Variants in ERI3 observed in about 807,000 individuals in gnomAD.
ERI3 encodes ERI1 exoribonuclease 3.
In ERI3, 18 loss-of-function variants were observed where a neutral mutation model predicts 44.4. The ratio of observed to expected loss-of-function variants is 0.41; its 90% CI spans 0.28 to 0.60. The LOEUF is 0.60. ERI3 is among the 20% of genes least tolerant of loss of function. The pLI is 0.36. For missense variants in ERI3, 294 were observed against 435.5 expected (o/e 0.68, Z 2.89); for synonymous variants, 183 against 164.8 (o/e 1.11, Z -0.84).
chr1:44,266,617 T>G (rs889597156), intron 7 of ERI3, among the ~76,000 whole-genome samples: 3 of 152,276 alleles, frequency 2.0e-5, no homozygotes, highest in African/African-American at 4.8e-5. Context: ...TTGTCTGTTT[T>G]GCTCACTATT....
intron 2 of ERI3, among the ~76,000 whole-genome samples, chr1:44,340,498 T>C (rs1193419674): frequency 6.6e-6 from 1 of 152,088 alleles, no homozygotes; most frequent in African/African-American, 2.4e-5. Flanking sequence ...TCACATAGGG[T>C]AGAGGGATAG....
chr1:44,344,386 A>T (rs1646744856), intron 2 of ERI3, among the ~76,000 whole-genome samples: 1 of 152,226 alleles, frequency 6.6e-6, no homozygotes, highest in Non-Finnish European at 1.5e-5. Flanking sequence ...CACAGAAGGT[A>T]GGCTGCATGT....
At chr1:44,227,256 C>A (rs952698806) in intron 8 of ERI3, among the ~76,000 whole-genome samples, 6 of 152,160 alleles carry the variant, frequency 3.9e-5, no homozygotes, top group African/African-American at 1.4e-4. Flanking sequence ...ATCTTCAGGA[C>A]ATGGTGAGGA....
rs745940286 is a variant in ERI3 at position 44,343,570 on chromosome 1, A to C, written c.212-4248T>G. Among the ~76,000 whole-genome samples, 11 of 152,230 alleles carry C rather than the reference A, an allele frequency of 7.2e-5. No individual in the cohort carries two copies. The East Asian group carries it at 9.6e-4, about 13-fold the overall frequency. On this transcript the variant is annotated intron_variant, in intron 2 of 8. Coordinates refer to ENST00000372257, the MANE Select transcript of ERI3 (RefSeq NM_024066.3). The stretch of plus-strand genomic sequence containing the variant: ...CAGCCTGTAATCTTCAAAAGTATCA[A>C]GGTCATGAATGCCAAGGAACGTTTA...
chr1:44,349,758 G>A (rs942129647), intron 2 of ERI3, among the ~76,000 whole-genome samples: 3 of 152,152 alleles, frequency 2.0e-5, no homozygotes, highest in Non-Finnish European at 2.9e-5. Context: ...CAGCCAACTC[G>A]ATTGTCTCAT....
chr1:44,310,952 C>CGT (rs1491274083), intron 5 of ERI3, among the ~76,000 whole-genome samples: 457 of 38,818 alleles, frequency 0.012, 9 homozygotes, highest in African/African-American at 0.044. Flanking sequence ...ATGTGCACAT[C>CGT]GCGCGCGCGC....
intron 3 of ERI3, among the ~76,000 whole-genome samples, chr1:44,327,316 T>C (rs1007195928): frequency 6.6e-6 from 1 of 152,228 alleles, no homozygotes; most frequent in Non-Finnish European, 1.5e-5. Flanking sequence ...CTGATCTCTC[T>C]GTGTTTCCCA....
chr1:44,321,070 A>AT (rs1646191940), intron 3 of ERI3, among the ~76,000 whole-genome samples: 2 of 152,160 alleles, frequency 1.3e-5, no homozygotes, highest in Non-Finnish European at 2.9e-5. Context: ...CACTTAGGAA[A>AT]TTGATGGGTG....
At chr1:44,298,376 G>C (rs1645653296) in intron 6 of ERI3, among the ~76,000 whole-genome samples, 1 of 152,146 alleles carries the variant, frequency 6.6e-6, no homozygotes, top group Non-Finnish European at 1.5e-5. Flanking sequence ...GATTTGAAAG[G>C]GTGAGGGGGA....
In ERI3 at chr1:44,236,269, G is replaced by A. The variant is rs143676281; in HGVS notation, c.931+11670C>T. ...CATTTTATTTACTATCTGCCTATACGTGTCAGACACTGTGCTATGCTTTGG... is the reference window on the plus strand; with the variant it reads ...CATTTTATTTACTATCTGCCTATACATGTCAGACACTGTGCTATGCTTTGG... On this transcript the variant is annotated intron_variant, in intron 8 of 8. Coordinates refer to ENST00000372257, the MANE Select transcript of ERI3 (RefSeq NM_024066.3). 5.3e-4 allele frequency among the ~76,000 whole-genome samples: 80 copies of A among 152,298 alleles called. 1 individual carries two copies. Among genetic ancestry groups the A allele is most frequent in the African/African-American group, 1.8e-3 (74 of 41,580 alleles).
intron 3 of ERI3, among the ~76,000 whole-genome samples, chr1:44,334,724 C>A (rs555771686): frequency 2.0e-5 from 3 of 152,294 alleles, no homozygotes; most frequent in Non-Finnish European, 4.4e-5. Flanking sequence ...TTTCACCTAG[C>A]TGAATAAAGT....
At chr1:44,250,442 T>C (rs1268791098) in intron 7 of ERI3, among the ~76,000 whole-genome samples, 1 of 152,128 alleles carries the variant, frequency 6.6e-6, no homozygotes, top group Non-Finnish European at 1.5e-5. Flanking sequence ...TTCCACAGAC[T>C]GGGACGTGTG....
At chr1:44,334,280 T>G (rs17416416) in intron 3 of ERI3, among the ~76,000 whole-genome samples, 1 of 152,208 alleles carries the variant, frequency 6.6e-6, no homozygotes, top group East Asian at 1.9e-4. Context: ...TTCTGAACAC[T>G]GAGGTGGTGA....
chr1:44,262,577 C>T (rs1644916056), intron 7 of ERI3, among the ~76,000 whole-genome samples: 1 of 152,194 alleles, frequency 6.6e-6, no homozygotes, highest in African/African-American at 2.4e-5. Context: ...ACCAGGCTGC[C>T]AAGACTACCC....
At chr1:44,353,574 T>G (rs1646938964) in intron 1 of ERI3, 21 of 985,412 alleles carry the variant, frequency 2.1e-5, no homozygotes, top group Non-Finnish European at 2.4e-5. Flanking sequence ...TTCCACACAT[T>G]TAAGACTTTC....
chr1:44,342,353 C>A (rs1401303936), intron 2 of ERI3, among the ~76,000 whole-genome samples: 1 of 152,014 alleles, frequency 6.6e-6, no homozygotes, highest in Non-Finnish European at 1.5e-5. Context: ...GGATTAGCTA[C>A]CTACAGAGGA....
At chr1:44,257,667 T>C (rs760281572) in intron 7 of ERI3, among the ~76,000 whole-genome samples, 9 of 152,172 alleles carry the variant, frequency 5.9e-5, no homozygotes, top group Admixed American at 5.2e-4. Flanking sequence ...AGTTTCTCCC[T>C]CATGGCCTCC....
At chr1:44,300,735 T>C (rs1443126443) in intron 6 of ERI3, among the ~76,000 whole-genome samples, 3 of 152,144 alleles carry the variant, frequency 2.0e-5, no homozygotes, top group Non-Finnish European at 2.9e-5. Context: ...CGGGGACATG[T>C]GCAGGAGGGG....
chr1:44,244,504 T>C (rs570433730), intron 8 of ERI3, among the ~76,000 whole-genome samples: 5 of 152,268 alleles, frequency 3.3e-5, no homozygotes, highest in African/African-American at 9.6e-5. Flanking sequence ...TACCAATACA[T>C]TTCTAGCACC....
Sources: allele counts gnomAD v4.1 joint callset (sites outside exome capture counted in the v4.1 genomes callset), GRCh38; gene constraint gnomAD v4.1.1; transcripts MANE v1.5; gene names NCBI Gene and HGNC (gene_info 2026-07-23, HGNC 2026-07-21).